The following PXMP4 variants were observed in gnomAD, a reference collection of about 807,000 sequenced individuals.
PXMP4 encodes the protein peroxisomal membrane protein 4, also known as 24 kDa peroxisomal intrinsic membrane protein.
Under a neutral mutation model 21.6 loss-of-function variants are expected in PXMP4, and 16 were observed. That is an observed-to-expected ratio of 0.74 (90% confidence interval 0.50 to 1.13). PXMP4 has a LOEUF of 1.13. PXMP4 is among the 50% of genes most tolerant of loss of function. The probability of loss-of-function intolerance (pLI) is 0.00; values close to 1 mark genes in which losing one functional copy is unlikely to be tolerated. For missense variants in PXMP4, 240 were observed against 277.7 expected, an observed-to-expected ratio of 0.86 and a Z score of 0.96; for synonymous variants, 127 against 123.8, an observed-to-expected ratio of 1.03 and a Z score of -0.17.
chr20:33,719,902 C>T (rs1410296650), intron 1 of PXMP4, among the ~76,000 whole-genome samples, 193 bp downstream of exon 1: 2 of 152,222 alleles, frequency 1.3e-5, no homozygotes, highest in Admixed American at 1.3e-4. Context: ...GCAGTGGGAG[C>T]CCCAGTTCAG....
chr20:33,707,632 G>T lies in PXMP4; in HGVS notation c.*74C>A. On this transcript the variant is annotated 3_prime_UTR_variant, in exon 4 of 4. Transcript: ENST00000409299. The stretch of plus-strand genomic sequence containing the variant: ...GTTGGAGTCTGAGGCCTATGATCTT[G>T]AGAAGGCAGTATCCTTTGGGAGGGT... 6.5e-7 allele frequency: 1 copy of T among 1,543,660 alleles called. No homozygotes were observed. The highest frequency in any genetic ancestry group is 8.8e-7 in the Non-Finnish European group (1 of 1,133,994).
chr20:33,719,070 AT>A (rs1436797940), intron 1 of PXMP4, among the ~76,000 whole-genome samples: 1 of 152,060 alleles, frequency 6.6e-6, no homozygotes, highest in Non-Finnish European at 1.5e-5. Context: ...TAATTTTTGT[AT>A]TTTTGGTAGA....
At chr20:33,711,539 C>T (rs1340991544) in intron 2 of PXMP4, among the ~76,000 whole-genome samples, 1 of 152,102 alleles carries the variant, frequency 6.6e-6, no homozygotes, top group Non-Finnish European at 1.5e-5. Context: ...GAGAAGTGAA[C>T]ATTTAGATAG....
At chr20:33,710,467 CTG>C (rs1222058380) in intron 3 of PXMP4, 86 bp downstream of exon 3, 1 of 211,838 alleles carries the variant, frequency 4.7e-6, no homozygotes, top group African/African-American at 2.9e-5. Context: ...ACCCCCACCT[CTG>C]TACTGAACCA....
In PXMP4 at chr20:33,718,688, C is replaced by G. The variant is rs571307575; in HGVS notation, c.113+1407G>C. Among the ~76,000 whole-genome samples, 7 of 152,186 alleles carry G rather than the reference C, an allele frequency of 4.6e-5. No individual in the cohort carries two copies. In the South Asian group the frequency reaches 1.5e-3, roughly 32 times the overall value. On this transcript the variant is annotated intron_variant, in intron 1 of 3. Transcript: ENST00000409299. Reference sequence around the variant, plus strand: ...GTGCCAGGCATCCTTGGGTTTGAATCCCGGCTCCAACCGTGACCAAGTGCT... The same window carrying G: ...GTGCCAGGCATCCTTGGGTTTGAATGCCGGCTCCAACCGTGACCAAGTGCT...
intron 2 of PXMP4, among the ~76,000 whole-genome samples, chr20:33,713,886 A>C (rs1362909040): frequency 1.3e-5 from 2 of 152,204 alleles, no homozygotes; most frequent in East Asian, 3.9e-4. Context: ...GGGAAGAGCT[A>C]CGGGAGATGA....
At chr20:33,719,758 A>G (rs1179767067) in intron 1 of PXMP4, among the ~76,000 whole-genome samples, 1 of 152,216 alleles carries the variant, frequency 6.6e-6, no homozygotes, top group Non-Finnish European at 1.5e-5. Flanking sequence ...CATTGTGCAG[A>G]TGGGGCCGTT....
chr20:33,709,770 C>A (rs1327302164), intron 3 of PXMP4, among the ~76,000 whole-genome samples: 1 of 138,030 alleles, frequency 7.2e-6, no homozygotes, highest in Non-Finnish European at 1.6e-5. Context: ...AACCACGCCC[C>A]TCCCCACCCC....
chr20:33,710,030 C>T (rs1347881083), intron 3 of PXMP4, among the ~76,000 whole-genome samples: 1 of 147,298 alleles, frequency 6.8e-6, no homozygotes. Context: ...TTCCCCCACT[C>T]CTACCTCTAC....
rs771185816 is a variant in PXMP4, at chr20:33,710,563, T to C, written c.367A>G (p.Asn123Asp). Residue 123 changes from asparagine to aspartate, a missense_variant, in exon 3 of 4, where the codon AAC becomes GAC. Physicochemically the swap from Asn to Asp is conservative, Grantham distance 23. Coordinates refer to ENST00000409299, the MANE Select transcript of PXMP4 (RefSeq NM_007238.5). ...ILVFGENNNI[N>D]SQINMYLLSR... ...CTCGGGAGGATCTTTACCTGGCTGT[T>C]GATGTTATTGTTTTCTCCAAACACC... 6.3e-7 allele frequency: 1 copy of C among 1,595,606 alleles called. No individual in the cohort carries two copies. The highest frequency in any genetic ancestry group is 8.6e-7 in the Non-Finnish European group (1 of 1,168,692).
Position 33,704,827 on chromosome 20 carries a change from C to T in PXMP4, c.*2879G>A, listed in dbSNP as rs1412364330. The T allele has an allele frequency of 6.6e-6, 1 of 152,110 alleles. No homozygotes were observed. The highest frequency in any genetic ancestry group is 1.5e-5 in the Non-Finnish European group (1 of 68,036). 9.4% of individuals were successfully genotyped at this position (152,110 alleles called of 1,614,324 possible). On this transcript the variant is annotated 3_prime_UTR_variant, in exon 4 of 4. Transcript: ENST00000409299. ...ATCAGAAGCTGCATTTTAATAAGGTCTCCAGTGACTCCTGCATACATTTCT... is the reference window on the plus strand; with the variant it reads ...ATCAGAAGCTGCATTTTAATAAGGTTTCCAGTGACTCCTGCATACATTTCT...
intron 1 of PXMP4, 101 bp downstream of exon 1, chr20:33,719,994 C>T (rs746628761): frequency 2.4e-4 from 277 of 1,158,734 alleles, no homozygotes; most frequent in Non-Finnish European, 3.2e-4. Context: ...ACGAGGACTG[C>T]TCCAGGGCAA....
intron 2 of PXMP4, among the ~76,000 whole-genome samples, chr20:33,713,711 C>G (rs567316160): frequency 9.6e-4 from 146 of 152,078 alleles, no homozygotes; most frequent in African/African-American, 3.4e-3. Flanking sequence ...TGGAGGACAA[C>G]AAAAACAAAA....
intron 1 of PXMP4, among the ~76,000 whole-genome samples, chr20:33,717,070 C>T (rs2018390677): frequency 6.6e-6 from 1 of 151,852 alleles, no homozygotes; most frequent in Non-Finnish European, 1.5e-5. Context: ...CCCAGCTACT[C>T]GGGAGGCTGA....
Position 33,707,644 on chromosome 20 carries a change from T to G in PXMP4, c.*62A>C. On this transcript the variant is annotated 3_prime_UTR_variant, in exon 4 of 4. Coordinates refer to ENST00000409299, the MANE Select transcript of PXMP4 (RefSeq NM_007238.5). ...GGCCTATGATCTTGAGAAGGCAGTA[T>G]CCTTTGGGAGGGTCTGCATGGGGCC... 1 of 1,567,198 alleles carries G rather than the reference T, an allele frequency of 6.4e-7. No individual in the cohort carries two copies. The highest frequency in any genetic ancestry group is 1.4e-5 in the African/African-American group (1 of 73,932).
At position 33,707,427 on chromosome 20, in the gene PXMP4, C is replaced by A; in HGVS notation, c.*279G>T. 2.5e-6 allele frequency: 1 copy of A among 407,298 alleles called. No individual in the cohort carries two copies. Among genetic ancestry groups the A allele is most frequent in the Non-Finnish European group, 4.5e-6 (1 of 223,936 alleles). The allele number at this position is 407,298 out of a possible 1,614,324, so 25.2% of individuals were successfully genotyped here. On this transcript the variant is annotated 3_prime_UTR_variant, in exon 4 of 4. Coordinates refer to ENST00000409299, the MANE Select transcript of PXMP4 (RefSeq NM_007238.5). ...AGGGCCCTCCTCTGAGCTCCTTGAC[C>A]CCTGAGGCCTAGAGAGTAGTGTGGC... is the stretch of plus-strand genomic sequence containing the variant.
chr20:33,718,510 CAAAAAAAAAAAAAA>C (rs34706596), intron 1 of PXMP4, among the ~76,000 whole-genome samples: 16 of 54,800 alleles, frequency 2.9e-4, no homozygotes, highest in Non-Finnish European at 3.0e-4. Context: ...CACTCCATCT[CAAAAAAAAAAAAAA>C]AAAAAAAAAA....
intron 1 of PXMP4, among the ~76,000 whole-genome samples, chr20:33,719,262 T>C (rs2018420943): frequency 6.6e-6 from 1 of 152,198 alleles, no homozygotes; most frequent in Non-Finnish European, 1.5e-5. Flanking sequence ...ATGCCCATTT[T>C]ACAGATATTG....
chr20:33,714,914 C>T (rs549455895), intron 1 of PXMP4, among the ~76,000 whole-genome samples, 178 bp from the exon 2 acceptor site: 5 of 152,236 alleles, frequency 3.3e-5, no homozygotes, highest in East Asian at 1.9e-4. Context: ...TGGTCTCAGG[C>T]GCGTCCTTTA....
Sources: gnomAD v4.1 joint callset for allele counts (sites outside exome capture counted in the v4.1 genomes callset) on GRCh38, gnomAD v4.1.1 for gene constraint, MANE v1.5 for transcripts, NCBI Gene and HGNC (gene_info 2026-07-23, HGNC 2026-07-21) for gene names.